Variants in NACC2 observed in about 807,000 individuals in gnomAD.
The protein encoded by NACC2 is NACC family member 2.
NACC2 carries 8 observed loss-of-function variants against 25.1 expected under a neutral mutation model. The observed-to-expected ratio is 0.32, with a 90% CI of 0.19 to 0.57. NACC2 has a LOEUF of 0.57. Among genes scored for constraint, NACC2 ranks in the 20% least tolerant of loss-of-function variants. NACC2 has a pLI of 0.89. For synonymous variants in NACC2, 435 were observed against 294.7 expected, an observed-to-expected ratio of 1.48 and a Z score of -4.88; for missense variants, 644 against 650.2, an observed-to-expected ratio of 0.99 and a Z score of 0.10.
intron 1 of NACC2, among the ~76,000 whole-genome samples, chr9:136,094,301 C>T (rs1361584751): frequency 2.6e-5 from 4 of 152,184 alleles, no homozygotes; most frequent in Admixed American, 6.5e-5. Context: ...GACCCGGCCT[C>T]GCGGCCTTCA....
intron 2 of NACC2, among the ~76,000 whole-genome samples, chr9:136,036,033 A>G (rs1840547391): frequency 6.6e-6 from 1 of 152,238 alleles, no homozygotes; most frequent in Non-Finnish European, 1.5e-5. Context: ...AAACTTCACT[A>G]TAAAAAATTA....
intron 1 of NACC2, among the ~76,000 whole-genome samples, chr9:136,082,160 C>T (rs925918071): frequency 2.6e-4 from 39 of 152,234 alleles, no homozygotes; most frequent in Admixed American, 2.4e-3. Context: ...CCAGGACTCC[C>T]AGCAGAAGGG....
chr9:136,053,206 G>A (rs969228140), intron 1 of NACC2, among the ~76,000 whole-genome samples: 2 of 152,206 alleles, frequency 1.3e-5, no homozygotes, highest in Admixed American at 1.3e-4. Flanking sequence ...TGAGGCATCC[G>A]GAGACCAGAG....
chr9:136,072,294 C>G (rs1841165523), intron 1 of NACC2, among the ~76,000 whole-genome samples: 1 of 151,966 alleles, frequency 6.6e-6, no homozygotes, highest in Non-Finnish European at 1.5e-5. Flanking sequence ...GTCTGTAATC[C>G]CAGCACATTG....
intron 2 of NACC2, among the ~76,000 whole-genome samples, chr9:136,043,558 T>A (rs1262584923): frequency 6.6e-6 from 1 of 152,180 alleles, no homozygotes; most frequent in African/African-American, 2.4e-5. Context: ...TTCAACCACA[T>A]GACGAACAGA....
At chr9:136,048,421 C>T (rs1331891897) in intron 2 of NACC2, among the ~76,000 whole-genome samples, 1 of 152,230 alleles carries the variant, frequency 6.6e-6, no homozygotes, top group Non-Finnish European at 1.5e-5. Context: ...AGGGCCAATT[C>T]CGTAGCTAGC....
At chr9:136,093,131 G>C (rs1365053170) in intron 1 of NACC2, among the ~76,000 whole-genome samples, 1 of 152,144 alleles carries the variant, frequency 6.6e-6, no homozygotes, top group African/African-American at 2.4e-5. Flanking sequence ...ATCCCGAAAA[G>C]GACAACACCT....
chr9:136,011,534 G>A lies in NACC2; in HGVS notation c.1746C>T (p.Thr582=). Residue 582 remains threonine, a synonymous_variant, in exon 6 of 6, where the codon ACC becomes ACT. Transcript: ENST00000277554. ...GCTCCGCTTACAAGGTCCCTGCATA[G>A]GTGCCCTCCGGCCTCCGGGCCGCGG... ...PAAAARRPEG[T]YAGTL The A allele has an allele frequency of 1.4e-6, 2 of 1,407,696 alleles. No individual in the cohort carries two copies. The highest frequency in any genetic ancestry group is 1.8e-6 in the Non-Finnish European group (2 of 1,087,046). 87.2% of individuals were successfully genotyped at this position (1,407,696 alleles called of 1,614,324 possible). A position where few individuals can be genotyped will look rare whatever the true frequency, so the allele number is the denominator to read the frequency against.
At chr9:136,079,160 A>T (rs1830295895) in intron 1 of NACC2, among the ~76,000 whole-genome samples, 1 of 151,950 alleles carries the variant, frequency 6.6e-6, no homozygotes, top group African/African-American at 2.4e-5. Flanking sequence ...AGAAAGCTTG[A>T]GCTCTTGCCA....
In NACC2 at chr9:136,049,782, G is replaced by A; in HGVS notation, c.740C>T (p.Thr247Ile). 2.6e-6 allele frequency: 2 copies of A among 772,472 alleles called. No homozygotes were observed. Among genetic ancestry groups the A allele is most frequent in the Non-Finnish European group, 4.8e-6 (2 of 414,746 alleles). The allele number at this position is 772,472 out of a possible 1,614,324, so 47.9% of individuals were successfully genotyped here. ...GGGCAGGCTGCTGGCGCCTGGACTG[G>A]TCCGCTCCCCCTGGGGGTAGGGCAT... ...QQMPYPQGER[T>I]SPGASSLPTT... is the part of the protein sequence containing the mutation. The change falls in exon 2 of 6, where the codon ACC (threonine) becomes ATC (isoleucine). Residue 247 changes from threonine to isoleucine, a missense_variant. Physicochemically the swap from Thr to Ile is moderately conservative, Grantham distance 89 (BLOSUM62 -1). Transcript: ENST00000277554.
chr9:136,017,476 G>T (rs1840220860), intron 2 of NACC2, among the ~76,000 whole-genome samples: 4 of 152,096 alleles, frequency 2.6e-5, no homozygotes, highest in African/African-American at 9.7e-5. Flanking sequence ...CCCAAATCCT[G>T]CCCAGCAATG....
chr9:136,085,816 TG>T (rs1314802509), intron 1 of NACC2, among the ~76,000 whole-genome samples: 1 of 152,248 alleles, frequency 6.6e-6, no homozygotes, highest in Non-Finnish European at 1.5e-5. Context: ...CTGCCAATGC[TG>T]GGTAGCCAGG....
At chr9:136,012,253 G>A (rs1046784044) in intron 5 of NACC2, among the ~76,000 whole-genome samples, 4 of 152,254 alleles carry the variant, frequency 2.6e-5, no homozygotes, top group African/African-American at 9.6e-5. Context: ...CTCTGGCCTG[G>A]TCAGGCCCAG....
chr9:136,078,663 G>C (rs527907052), intron 1 of NACC2, among the ~76,000 whole-genome samples: 30 of 152,318 alleles, frequency 2.0e-4, no homozygotes, highest in African/African-American at 6.7e-4. Context: ...GGACAGAAAG[G>C]GGCGTGGGAA....
intron 1 of NACC2, among the ~76,000 whole-genome samples, chr9:136,092,753 T>C (rs1830446005): frequency 1.3e-5 from 2 of 152,200 alleles, no homozygotes; most frequent in South Asian, 4.1e-4. Flanking sequence ...CACTGGGGTC[T>C]GTAGAAGGCC....
At chr9:136,040,564 G>C (rs1451305136) in intron 2 of NACC2, among the ~76,000 whole-genome samples, 1 of 151,998 alleles carries the variant, frequency 6.6e-6, no homozygotes, top group Non-Finnish European at 1.5e-5. Context: ...GCTCACAGCC[G>C]CATTATTCAA....
intron 2 of NACC2, among the ~76,000 whole-genome samples, chr9:136,023,070 G>A (rs190528131): frequency 2.7e-5 from 2 of 73,914 alleles, no homozygotes; most frequent in African/African-American, 5.9e-5. Context: ...GGAGGGAAGA[G>A]GGAGGGAGGA....
intron 1 of NACC2, among the ~76,000 whole-genome samples, chr9:136,067,779 G>A (rs1214372209): frequency 6.6e-6 from 1 of 152,250 alleles, no homozygotes; most frequent in Non-Finnish European, 1.5e-5. Flanking sequence ...AGGTTGCGGT[G>A]AGCCGAGATC....
intron 1 of NACC2, among the ~76,000 whole-genome samples, chr9:136,075,062 C>T (rs1332661453): frequency 1.3e-5 from 2 of 152,246 alleles, no homozygotes; most frequent in African/African-American, 2.4e-5. Context: ...TCCAGGCCGA[C>T]GCTCTTGGTT....
Sources: allele counts gnomAD v4.1 joint callset (sites outside exome capture counted in the v4.1 genomes callset), GRCh38; gene constraint gnomAD v4.1.1; transcripts MANE v1.5; gene names NCBI Gene and HGNC (gene_info 2026-07-23, HGNC 2026-07-21).